NELL2: variants seen among roughly 807,000 people sequenced by gnomAD.
NELL2 encodes the protein neural EGFL like 2, also known as protein kinase C-binding protein NELL2.
NELL2 carries 41 observed loss-of-function variants against 109.6 expected under a neutral mutation model. That is an observed-to-expected ratio of 0.37 (90% CI 0.29 to 0.49). The LOEUF (loss-of-function observed/expected upper bound fraction) is 0.49, where lower values mean the gene tolerates loss of function less well. NELL2 is among the 20% of genes least tolerant of loss of function. NELL2 has a pLI of 0.98. For synonymous variants in NELL2, 355 were observed against 344.7 expected, an observed-to-expected ratio of 1.03 and a Z score of -0.33; for missense variants, 900 against 1,008.3, an observed-to-expected ratio of 0.89 and a Z score of 1.45.
intron 2 of NELL2, among the ~76,000 whole-genome samples, chr12:44,849,756 G>T (rs1026716251): frequency 7.2e-5 from 11 of 152,066 alleles, no homozygotes; most frequent in Admixed American, 2.6e-4. Context: ...TTATCAGCAG[G>T]AAAATTGATC....
At chr12:44,551,565 C>G (rs567015431) in intron 15 of NELL2, among the ~76,000 whole-genome samples, 2 of 152,274 alleles carry the variant, frequency 1.3e-5, no homozygotes, top group African/African-American at 4.8e-5. Flanking sequence ...CAATGGCCTT[C>G]TCCTCTCCCA....
chr12:44,644,644 A>G (rs1311027836), intron 13 of NELL2, among the ~76,000 whole-genome samples: 3 of 137,736 alleles, frequency 2.2e-5, no homozygotes, highest in Non-Finnish European at 4.8e-5. Context: ...ATATATATAT[A>G]TATATACACA....
Position 44,610,895 on chromosome 12 carries a change from T to C in NELL2, c.1520A>G (p.Asn507Ser). ...TGTATAGCCCGGCTTGCAAACACAG[T>C]TGTGTCCTCCAACAGTGTTGAAGCA... The part of the protein sequence containing the change: ...ALCFNTVGGH[N>S]CVCKPGYTGN... The change falls in exon 14 of 20, where the codon AAC becomes AGC. Residue 507 changes from asparagine (N) to serine (S), a missense_variant. Around this residue, in one of 4 missense-constraint regions of NELL2, gnomAD observed 333 missense variants for 432.3 expected, o/e 0.77. Coordinates refer to ENST00000429094, the MANE Select transcript of NELL2 (RefSeq NM_001145108.2). 1 of 1,613,242 alleles carries C rather than the reference T, an allele frequency of 6.2e-7. No individual in the cohort carries two copies. Among genetic ancestry groups the C allele is most frequent in the Non-Finnish European group, 8.5e-7 (1 of 1,179,398 alleles).
intron 2 of NELL2, among the ~76,000 whole-genome samples, chr12:44,832,764 G>A (rs909248302): frequency 5.9e-5 from 9 of 152,090 alleles, no homozygotes; most frequent in Admixed American, 5.9e-4. Flanking sequence ...GCTTTATATT[G>A]TTACATATTA....
chr12:44,528,477 T>C lies in NELL2; in HGVS notation c.1804+4104A>G, dbSNP rs551284782. On this transcript the variant is annotated intron_variant, in intron 16 of 19. Coordinates refer to ENST00000429094, the MANE Select transcript of NELL2 (RefSeq NM_001145108.2). Reference sequence around the variant, plus strand: ...ACTACATATACATATCCAGTATATGTCATACTAATATCTACATTCCAACAT... The same window carrying C: ...ACTACATATACATATCCAGTATATGCCATACTAATATCTACATTCCAACAT... 2.5e-3 allele frequency among the ~76,000 whole-genome samples: 384 copies of C among 152,346 alleles called. 1 individual carries two copies. Among genetic ancestry groups the C allele is most frequent in the African/African-American group, 8.6e-3 (359 of 41,584 alleles).
chr12:44,816,046 G>A lies in NELL2; in HGVS notation c.275C>T (p.Thr92Ile). ...TGAATTTAAGTGGGTCTGTTTTAGG[G>A]TCACCAAAATAGTAAATTCATGTTT... ...RNKHEFTILVTLKQTHLNSGV... is the reference protein window; with the variant it reads ...RNKHEFTILVILKQTHLNSGV... Residue 92 changes from threonine (T) to isoleucine (I), a missense_variant, in exon 3 of 20, where the codon ACC becomes ATC. This residue lies in a region of NELL2 where 200 missense variants were observed against 191.8 expected (regional missense o/e 1.04). Coordinates refer to ENST00000429094, the MANE Select transcript of NELL2 (RefSeq NM_001145108.2). The A allele has an allele frequency of 1.2e-6, 2 of 1,613,548 alleles. No homozygotes were observed. The highest frequency in any genetic ancestry group is 2.2e-5 in the East Asian group (1 of 44,808).
intron 12 of NELL2, among the ~76,000 whole-genome samples, chr12:44,682,694 G>GT (rs756431449): frequency 7.9e-5 from 12 of 152,262 alleles, no homozygotes; most frequent in Non-Finnish European, 1.2e-4. Flanking sequence ...CCCATTTCTT[G>GT]TTTTTGTCAG....
At chr12:44,765,978 A>G (rs1460816490) in intron 9 of NELL2, among the ~76,000 whole-genome samples, 2 of 151,950 alleles carry the variant, frequency 1.3e-5, no homozygotes, top group African/African-American at 4.8e-5. Context: ...AAATTAGCTG[A>G]GCATGGTGGC....
At chr12:44,782,557 A>G (rs757243044) in intron 3 of NELL2, among the ~76,000 whole-genome samples, 2 of 151,924 alleles carry the variant, frequency 1.3e-5, no homozygotes, top group Non-Finnish European at 2.9e-5. Context: ...AGAAAATAAT[A>G]TATATTGAAA....
chr12:44,546,573 C>T (rs1015014767), intron 15 of NELL2, among the ~76,000 whole-genome samples: 3 of 152,178 alleles, frequency 2.0e-5, no homozygotes, highest in Admixed American at 6.5e-5. Flanking sequence ...CACAGGTTTG[C>T]TATTTGATGG....
intron 1 of NELL2, among the ~76,000 whole-genome samples, chr12:44,909,406 C>CAA (rs58464959): frequency 1.0e-4 from 14 of 138,902 alleles, no homozygotes; most frequent in African/African-American, 3.1e-4. Context: ...AGGAGAATGA[C>CAA]AAAAAAAAAA....
intron 3 of NELL2, among the ~76,000 whole-genome samples, chr12:44,790,376 A>G (rs1942335981): frequency 6.6e-6 from 1 of 152,162 alleles, no homozygotes; most frequent in Non-Finnish European, 1.5e-5. Flanking sequence ...TGGTGAAACT[A>G]AGCATCATAC....
intron 2 of NELL2, among the ~76,000 whole-genome samples, chr12:44,856,519 T>C (rs1944687970): frequency 6.6e-6 from 1 of 152,134 alleles, no homozygotes; most frequent in Non-Finnish European, 1.5e-5. Flanking sequence ...AAAAACTTGT[T>C]ATCTGAGAAA....
At chr12:44,917,897 G>C (rs1945840428), upstream of NELL2, among the ~76,000 whole-genome samples, 1 of 152,202 alleles carries the variant, frequency 6.6e-6, no homozygotes. Flanking sequence ...GCTTCAAAAA[G>C]TCAGGGCTCT....
At chr12:44,796,061 A>C (rs1652361528) in intron 3 of NELL2, among the ~76,000 whole-genome samples, 1 of 152,062 alleles carries the variant, frequency 6.6e-6, no homozygotes, top group Non-Finnish European at 1.5e-5. Flanking sequence ...AATTCTCTCT[A>C]AGCCTCAGTT....
chr12:44,901,773 T>A (rs983557280), intron 1 of NELL2, among the ~76,000 whole-genome samples: 2 of 152,018 alleles, frequency 1.3e-5, no homozygotes, highest in Non-Finnish European at 2.9e-5. Flanking sequence ...ATGGAATCCA[T>A]CACATAAACA....
At chr12:44,758,530 T>C (rs1940988655) in intron 9 of NELL2, among the ~76,000 whole-genome samples, 1 of 152,152 alleles carries the variant, frequency 6.6e-6, no homozygotes, top group South Asian at 2.1e-4. Context: ...TTGAGTACAA[T>C]AAAAATCCAT....
chr12:44,572,816 G>A (rs1196025595), intron 15 of NELL2, among the ~76,000 whole-genome samples: 1 of 152,182 alleles, frequency 6.6e-6, no homozygotes, highest in East Asian at 1.9e-4. Context: ...GCAGATATGT[G>A]ACATGGCTAA....
intron 15 of NELL2, among the ~76,000 whole-genome samples, chr12:44,595,844 A>C (rs1012681533): frequency 6.6e-6 from 1 of 152,180 alleles, no homozygotes; most frequent in African/African-American, 2.4e-5. Flanking sequence ...AAAATCGGCA[A>C]TGGAAACTTT....
Sources: allele counts gnomAD v4.1 joint callset (sites outside exome capture counted in the v4.1 genomes callset), GRCh38; gene constraint gnomAD v4.1.1; regional missense constraint gnomAD v4.1.1; transcripts MANE v1.5; gene names NCBI Gene and HGNC (gene_info 2026-07-23, HGNC 2026-07-21).